The following SPDYE21 variants were observed in gnomAD, a reference collection of about 807,000 sequenced individuals.
SPDYE21 encodes the protein speedy protein E21.
A neutral mutation model predicts 36.2 loss-of-function variants in SPDYE21; 14 were observed. That is an observed-to-expected ratio of 0.39 (90% CI 0.26 to 0.61). The LOEUF (loss-of-function observed/expected upper bound fraction) is 0.61, where lower values mean the gene tolerates loss of function less well. Ranked by LOEUF, SPDYE21 falls within the 20% of genes least tolerant of loss-of-function variation. SPDYE21 has a pLI of 0.55. For synonymous variants in SPDYE21, 58 were observed against 155.1 expected, an observed-to-expected ratio of 0.37 and a Z score of 4.65; for missense variants, 233 against 424.6, an observed-to-expected ratio of 0.55 and a Z score of 3.97.
At position 67,288,149 on chromosome 7, in the gene SPDYE21, CTAAA is replaced by C. The variant is rs892564320; in HGVS notation, c.*680_*683del. Reference sequence around the variant, plus strand: ...TTTTTAAGAGACAATTCTTTTTATCCTAAATATTTTATTATCTTTAAATTTTTTT... The same window carrying C: ...TTTTTAAGAGACAATTCTTTTTATCCTATTTTATTATCTTTAAATTTTTTT... On this transcript the variant is annotated 3_prime_UTR_variant, in exon 9 of 9. Transcript: ENST00000424157. Among the ~76,000 whole-genome samples the C allele has an allele frequency of 6.0e-4, 91 of 151,464 alleles. No individual in the cohort carries two copies. Among genetic ancestry groups the C allele is most frequent in the African/African-American group, 2.1e-3 (85 of 41,416 alleles).
rs1209910535 is a variant in SPDYE21 at position 67,285,123 on chromosome 7, G to A, written c.756-921G>A. ...CCCGTAGCTCTCTAGTTACATCCTGGACACTGGGATTAGGTCATCTGCCTT... is the reference window on the plus strand; with the variant it reads ...CCCGTAGCTCTCTAGTTACATCCTGAACACTGGGATTAGGTCATCTGCCTT... On this transcript the variant is annotated intron_variant, in intron 6 of 8. Transcript: ENST00000424157. Among the ~76,000 whole-genome samples the A allele has an allele frequency of 2.0e-5, 3 of 151,870 alleles. No homozygotes were observed. The East Asian group carries it at 5.8e-4, about 29-fold the overall frequency.
chr7:67,277,759 AT>A (rs1176881460), intron 1 of SPDYE21, among the ~76,000 whole-genome samples: 5 of 148,818 alleles, frequency 3.4e-5, no homozygotes, highest in Non-Finnish European at 7.4e-5. Context: ...TACATGTGAT[AT>A]TTTATTCATA....
chr7:67,282,181 A>C (rs1396509196), intron 4 of SPDYE21, among the ~76,000 whole-genome samples: 1 of 152,204 alleles, frequency 6.6e-6, no homozygotes, highest in Non-Finnish European at 1.5e-5. Flanking sequence ...AAAGAAAAAC[A>C]AAATCAATAA....
chr7:67,278,675 C>G lies in SPDYE21; in HGVS notation c.-39C>G, dbSNP rs1005721294. Among the ~76,000 whole-genome samples, 1 of 145,768 alleles carries G rather than the reference C, an allele frequency of 6.9e-6. No individual in the cohort carries two copies. The highest frequency in any genetic ancestry group is 2.5e-5 in the African/African-American group (1 of 39,382). ...TTCTCCTAGGCTTGAGAATTGATAACATACTCTTCTGGATCCTAGCAGTGT... is the reference window on the plus strand; with the variant it reads ...TTCTCCTAGGCTTGAGAATTGATAAGATACTCTTCTGGATCCTAGCAGTGT... On this transcript the variant is annotated 5_prime_UTR_variant, in exon 2 of 9. Transcript: ENST00000424157.
At chr7:67,278,112 C>T (rs9719161) in intron 1 of SPDYE21, among the ~76,000 whole-genome samples, 180 bp from the exon 2 acceptor site, 143 of 73,630 alleles carry the variant, frequency 1.9e-3, no homozygotes, top group East Asian at 4.5e-3. Flanking sequence ...GTCAGTATTC[C>T]TGGGATCTCT....
chr7:67,279,221 G>A (rs1295912376), intron 2 of SPDYE21, among the ~76,000 whole-genome samples: 6 of 148,112 alleles, frequency 4.1e-5, no homozygotes, highest in East Asian at 2.0e-4. Context: ...AAGGGTCAGC[G>A]GTCAGGAAGG....
chr7:67,283,994 G>C lies in SPDYE21; in HGVS notation c.751G>C (p.Ala251Pro). 1 of 1,540,356 alleles carries C rather than the reference G, an allele frequency of 6.5e-7. No individual in the cohort carries two copies. The highest frequency in any genetic ancestry group is 9.0e-7 in the Non-Finnish European group (1 of 1,115,570). The change falls in exon 6 of 9, where the codon GCT becomes CCT. Residue 251 changes from alanine (A) to proline (P), a missense_variant. Ala to Pro is a conservative substitution (Grantham distance 27). Coordinates refer to ENST00000424157, the MANE Select transcript of SPDYE21 (RefSeq NM_001382715.2). Reference sequence around the variant, plus strand: ...ATACCAACGCATTCATTTCTTCCTGGCTCTGTGAGTGGTTTGCTGCCTCCT... The same window carrying C: ...ATACCAACGCATTCATTTCTTCCTGCCTCTGTGAGTGGTTTGCTGCCTCCT... ...WQYQRIHFFL[A>P]LYLANDMEED...
intron 6 of SPDYE21, among the ~76,000 whole-genome samples, chr7:67,285,688 C>T (rs1398943123): frequency 6.6e-6 from 1 of 152,240 alleles, no homozygotes; most frequent in Non-Finnish European, 1.5e-5. Context: ...CTGCGTCTGG[C>T]ATATTTCTTA....
chr7:67,286,507 A>G (rs1199211248), intron 7 of SPDYE21, among the ~76,000 whole-genome samples, 53 bp from the exon 8 acceptor site: 1 of 151,550 alleles, frequency 6.6e-6, no homozygotes, highest in African/African-American at 2.4e-5. Flanking sequence ...ATGAGGGGAG[A>G]GAGGGGTATC....
At chr7:67,282,865 G>A (rs561191774) in intron 5 of SPDYE21, among the ~76,000 whole-genome samples, 172 bp downstream of exon 5, 13 of 139,906 alleles carry the variant, frequency 9.3e-5, no homozygotes, top group African/African-American at 3.2e-4. Flanking sequence ...GGAGGGCAGT[G>A]TCTCGATCTT....
chr7:67,283,547 G>A (rs1802678344), intron 5 of SPDYE21, among the ~76,000 whole-genome samples: 1 of 151,864 alleles, frequency 6.6e-6, no homozygotes. Flanking sequence ...CTGAGCTCTG[G>A]GCCACAGTCT....
At chr7:67,281,899 A>G (rs3980866) in intron 4 of SPDYE21, among the ~76,000 whole-genome samples, 1 of 152,100 alleles carries the variant, frequency 6.6e-6, no homozygotes, top group Admixed American at 6.5e-5. Context: ...TTGAACTCAG[A>G]ACTTTGAGGC....
chr7:67,287,615 T>A lies in SPDYE21; in HGVS notation c.*143T>A, dbSNP rs955888567. ...GGAGAAGAGGAACCATTTGTGCAGATCATCTAGAAGAACCTGGACCATTCT... is the reference window on the plus strand; with the variant it reads ...GGAGAAGAGGAACCATTTGTGCAGAACATCTAGAAGAACCTGGACCATTCT... On this transcript the variant is annotated 3_prime_UTR_variant, in exon 9 of 9. Coordinates refer to ENST00000424157, the MANE Select transcript of SPDYE21 (RefSeq NM_001382715.2). Among the ~76,000 whole-genome samples, 1 of 145,828 alleles carries A rather than the reference T, an allele frequency of 6.9e-6. No homozygotes were observed. The highest frequency in any genetic ancestry group is 1.5e-5 in the Non-Finnish European group (1 of 67,214).
chr7:67,281,099 CAAAAAAAA>C (rs3972832), intron 3 of SPDYE21, among the ~76,000 whole-genome samples: 4 of 43,766 alleles, frequency 9.1e-5, no homozygotes, highest in African/African-American at 3.4e-4. Context: ...ACAACAACAA[CAAAAAAAA>C]AAAAAAAAAA....
At chr7:67,277,597 T>C (rs1379498453) in intron 1 of SPDYE21, among the ~76,000 whole-genome samples, 1 of 151,942 alleles carries the variant, frequency 6.6e-6, no homozygotes, top group Non-Finnish European at 1.5e-5. Flanking sequence ...TGGTTTGGTT[T>C]TGTTTTTTTA....
intron 3 of SPDYE21, among the ~76,000 whole-genome samples, chr7:67,280,727 A>AAG (rs1802617197): frequency 7.5e-6 from 1 of 133,430 alleles, no homozygotes; most frequent in African/African-American, 2.8e-5. Context: ...AAAAAAAAAA[A>AAG]AAGAAGGAAG....
rs1206831490 is a variant in SPDYE21, at chr7:67,278,290, A to C, written c.-422-2A>C. Among the ~76,000 whole-genome samples, 3 of 137,164 alleles carry C rather than the reference A, an allele frequency of 2.2e-5. No homozygotes were observed. Among genetic ancestry groups the C allele is most frequent in the Admixed American group, 7.4e-5 (1 of 13,552 alleles). 90.0% of individuals were successfully genotyped at this position (137,164 alleles called of 152,430 possible). A position where few individuals can be genotyped will look rare whatever the true frequency, so the allele number is the denominator to read the frequency against. On this transcript the variant is annotated splice_acceptor_variant, in intron 1 of 8. Coordinates refer to ENST00000424157, the MANE Select transcript of SPDYE21 (RefSeq NM_001382715.2). LOFTEE classifies it low-confidence loss of function (5UTR_SPLICE). ...TTCCCACTCTGTTCCCTCTCCCACC[A>C]GCCTGGACTCTGAAATGGGCATGTA...
At chr7:67,284,974 T>C (rs1314307843) in intron 6 of SPDYE21, among the ~76,000 whole-genome samples, 3 of 151,560 alleles carry the variant, frequency 2.0e-5, no homozygotes, top group Non-Finnish European at 4.4e-5. Flanking sequence ...CACTCGACTT[T>C]GTGTTTGTGT....
In SPDYE21 at chr7:67,278,331, C is replaced by T. The variant is rs1399492029; in HGVS notation, c.-383C>T. Reference sequence around the variant, plus strand: ...TGGGCATGTACAGAGACGAAGAGACCCCAACATGCTTCAGGCTTTGAGTGG... The same window carrying T: ...TGGGCATGTACAGAGACGAAGAGACTCCAACATGCTTCAGGCTTTGAGTGG... On this transcript the variant is annotated 5_prime_UTR_variant, in exon 2 of 9. Transcript: ENST00000424157. 2.2e-5 allele frequency among the ~76,000 whole-genome samples: 3 copies of T among 138,956 alleles called. No individual in the cohort carries two copies. The highest frequency in any genetic ancestry group is 4.7e-5 in the Non-Finnish European group (3 of 64,046). 91.2% of individuals were successfully genotyped at this position (138,956 alleles called of 152,430 possible). A position where few individuals can be genotyped will look rare whatever the true frequency, so the allele number is the denominator to read the frequency against.
Sources: gnomAD v4.1 joint callset for allele counts (sites outside exome capture counted in the v4.1 genomes callset) on GRCh38, gnomAD v4.1.1 for gene constraint, MANE v1.5 for transcripts, NCBI Gene and HGNC (gene_info 2026-07-23, HGNC 2026-07-21) for gene names.